Variants in QNG1 observed in about 807,000 individuals in gnomAD.
QNG1 encodes Q-nucleotide N-glycosylase 1.
At chr9:83,943,458 T>G in the QNG1 span, among the ~76,000 whole-genome samples, 531 of 151,678 alleles carry the variant, frequency 3.5e-3, no homozygotes, top group Non-Finnish European at 5.9e-3. Flanking sequence ...TATGGCCATA[T>G]GAAAAATAAG....
chr9:83,955,198 T>TCAAA, the QNG1 span, among the ~76,000 whole-genome samples: 7 of 152,224 alleles, frequency 4.6e-5, no homozygotes, highest in South Asian at 2.1e-4. Flanking sequence ...AAACTCTGTC[T>TCAAA]CAAACAAACA....
the QNG1 span, among the ~76,000 whole-genome samples, chr9:83,953,246 TAAAA>T: frequency 6.6e-6 from 1 of 152,274 alleles, no homozygotes; most frequent in East Asian, 1.9e-4. Flanking sequence ...GTACATTTTT[TAAAA>T]ATTGAACTTT....
At chr9:83,956,695 C>G in the QNG1 span, 22 of 467,390 alleles carry the variant, frequency 4.7e-5, no homozygotes, top group East Asian at 7.1e-4. Flanking sequence ...ATTAGGAAAC[C>G]AGAGAGACCC....
At chr9:83,939,522 T>C in the QNG1 span, 2 of 1,611,138 alleles carry the variant, frequency 1.2e-6, no homozygotes, top group African/African-American at 2.7e-5. Flanking sequence ...CAATAATATA[T>C]GCAACGTATG....
chr9:83,953,657 T>C, the QNG1 span: 1 of 661,222 alleles, frequency 1.5e-6, no homozygotes, highest in Middle Eastern at 3.1e-4. Flanking sequence ...ATTTCTTTTA[T>C]TTTTTCTTTT....
chr9:83,955,520 T>G, the QNG1 span: 1 of 1,614,216 alleles, frequency 6.2e-7, no homozygotes, highest in Non-Finnish European at 8.5e-7. Flanking sequence ...CCCGGTTTCA[T>G]TGAGAATCCG....
chr9:83,939,728 T>C, the QNG1 span: 2 of 1,613,828 alleles, frequency 1.2e-6, no homozygotes, highest in East Asian at 2.2e-5. Flanking sequence ...CCTGTCTCCA[T>C]ATGAGAGCAT....
At chr9:83,948,381 T>TG in the QNG1 span, among the ~76,000 whole-genome samples, 1 of 132,096 alleles carries the variant, frequency 7.6e-6, no homozygotes, top group Non-Finnish European at 1.6e-5. Context: ...AGGAGGGAGG[T>TG]GGGGGTCAGC....
chr9:83,947,881 C>T, the QNG1 span, among the ~76,000 whole-genome samples: 2 of 152,202 alleles, frequency 1.3e-5, no homozygotes, highest in Admixed American at 1.3e-4. Context: ...ACCTCCCAGC[C>T]GCCTGCCTTG....
the QNG1 span, chr9:83,944,993 A>T: frequency 2.5e-6 from 4 of 1,591,860 alleles, no homozygotes; most frequent in Non-Finnish European, 3.4e-6. Flanking sequence ...TTTTCCCCTG[A>T]TGAATGAAGA....
At chr9:83,952,512 T>C in the QNG1 span, among the ~76,000 whole-genome samples, 1 of 151,824 alleles carries the variant, frequency 6.6e-6, no homozygotes, top group Non-Finnish European at 1.5e-5. Context: ...ATACAAAAAT[T>C]AGGCCAGGTG....
At chr9:83,944,957 T>A in the QNG1 span, 3 of 1,607,198 alleles carry the variant, frequency 1.9e-6, no homozygotes, top group Non-Finnish European at 2.5e-6. Context: ...CTACAAGGAT[T>A]TGGGCTCGTT....
the QNG1 span, chr9:83,955,327 G>T: frequency 6.4e-7 from 1 of 1,556,174 alleles, no homozygotes; most frequent in South Asian, 1.2e-5. Flanking sequence ...GGAAGTAAAA[G>T]AGTTAACTCT....
the QNG1 span, among the ~76,000 whole-genome samples, chr9:83,949,040 A>T: frequency 7.7e-6 from 1 of 130,068 alleles, no homozygotes; most frequent in Non-Finnish European, 1.6e-5. Context: ...ACTATTGTCG[A>T]TGACCCTGCC....
At chr9:83,942,365 T>C in the QNG1 span, among the ~76,000 whole-genome samples, 1 of 152,196 alleles carries the variant, frequency 6.6e-6, no homozygotes, top group African/African-American at 2.4e-5. Flanking sequence ...TTTAGTTAAA[T>C]TGCATTGTTA....
the QNG1 span, chr9:83,953,989 G>A: frequency 3.5e-6 from 2 of 575,798 alleles, no homozygotes; most frequent in African/African-American, 2.0e-5. Context: ...CCACCTCTCG[G>A]GTTCAAGCGA....
the QNG1 span, chr9:83,956,197 G>A: frequency 1.9e-6 from 3 of 1,612,762 alleles, no homozygotes; most frequent in South Asian, 2.2e-5. Flanking sequence ...GCGGCGCACA[G>A]GGACCAGTAC....
the QNG1 span, chr9:83,955,440 T>C: frequency 6.2e-7 from 1 of 1,614,156 alleles, no homozygotes; most frequent in Admixed American, 1.7e-5. Context: ...TGCATTAACT[T>C]CTGCGCACTA....
chr9:83,939,937 G>A, the QNG1 span, among the ~76,000 whole-genome samples: 2 of 152,096 alleles, frequency 1.3e-5, no homozygotes, highest in African/African-American at 4.8e-5. Context: ...ATTCCACAAA[G>A]ACAGGGGCCA....
Sources: gnomAD v4.1 joint callset for allele counts (sites outside exome capture counted in the v4.1 genomes callset) on GRCh38, gnomAD v4.1.1 for gene constraint, MANE v1.5 for transcripts, NCBI Gene and HGNC (gene_info 2026-07-23, HGNC 2026-07-21) for gene names.